Variants in ASAP1 observed in about 807,000 individuals in gnomAD.
ASAP1 encodes the protein ArfGAP with SH3 domain, ankyrin repeat and PH domain 1.
A neutral mutation model predicts 145.2 loss-of-function variants in ASAP1; 43 were observed. That is an observed-to-expected ratio of 0.30 (90% CI 0.23 to 0.38). The LOEUF is 0.38. ASAP1 is among the 10% of genes least tolerant of loss of function. The pLI is 1.00. For synonymous variants in ASAP1, 546 were observed against 515.5 expected, an observed-to-expected ratio of 1.06 and a Z score of -0.80; for missense variants, 1,018 against 1,355.3, an observed-to-expected ratio of 0.75 and a Z score of 3.91.
chr8:130,078,134 C>T (rs185496263), intron 26 of ASAP1, among the ~76,000 whole-genome samples: 95 of 152,110 alleles, frequency 6.2e-4, no homozygotes, highest in Middle Eastern at 3.4e-3. Context: ...GGACTACAGG[C>T]GCACCCCACT....
chr8:130,345,781 G>A (rs1825670190), intron 3 of ASAP1, among the ~76,000 whole-genome samples: 1 of 152,138 alleles, frequency 6.6e-6, no homozygotes, highest in African/African-American at 2.4e-5. Context: ...AGACTAGCCT[G>A]GGCAACATCA....
chr8:130,270,146 C>T (rs113733776), intron 3 of ASAP1, among the ~76,000 whole-genome samples: 3 of 152,046 alleles, frequency 2.0e-5, no homozygotes, highest in Non-Finnish European at 2.9e-5. Flanking sequence ...CTCCAGCCTG[C>T]GTGACAGAGC....
chr8:130,272,428 G>A (rs1458254152), intron 3 of ASAP1, among the ~76,000 whole-genome samples: 2 of 152,166 alleles, frequency 1.3e-5, no homozygotes, highest in South Asian at 4.1e-4. Context: ...GTGAAAAAGA[G>A]TATGGAGATC....
chr8:130,120,996 T>C (rs2097564918), intron 18 of ASAP1, among the ~76,000 whole-genome samples: 1 of 152,244 alleles, frequency 6.6e-6, no homozygotes, highest in Non-Finnish European at 1.5e-5. Context: ...GCTCCGTTTT[T>C]GTTAATGCTA....
chr8:130,134,735 C>T (rs2097590561), intron 14 of ASAP1, among the ~76,000 whole-genome samples: 1 of 152,174 alleles, frequency 6.6e-6, no homozygotes, highest in African/African-American at 2.4e-5. Flanking sequence ...AGGGGAAGGT[C>T]CTATTTGATC....
chr8:130,201,336 C>T (rs1815856416), intron 5 of ASAP1, among the ~76,000 whole-genome samples: 1 of 152,194 alleles, frequency 6.6e-6, no homozygotes, highest in Admixed American at 6.6e-5. Flanking sequence ...CAAATTACAC[C>T]ATGTGCTAAA....
intron 3 of ASAP1, among the ~76,000 whole-genome samples, chr8:130,263,372 A>G (rs958355316): frequency 1.3e-5 from 2 of 152,222 alleles, no homozygotes; most frequent in Admixed American, 1.3e-4. Context: ...AGAGACCATG[A>G]TGGGCCATGC....
chr8:130,247,080 G>A (rs1176604900), intron 3 of ASAP1: 3 of 152,126 alleles, frequency 2.0e-5, no homozygotes, highest in African/African-American at 7.2e-5. Flanking sequence ...GTCACTGCTT[G>A]GCTACCACAC....
At chr8:130,222,970 C>T (rs193242418) in intron 4 of ASAP1, among the ~76,000 whole-genome samples, 1 of 152,242 alleles carries the variant, frequency 6.6e-6, no homozygotes, top group Admixed American at 6.5e-5. Flanking sequence ...GGTCTTAGCT[C>T]CAGACTCTAC....
At chr8:130,136,409 G>A (rs2097594901) in intron 14 of ASAP1, among the ~76,000 whole-genome samples, 1 of 152,166 alleles carries the variant, frequency 6.6e-6, no homozygotes, top group Non-Finnish European at 1.5e-5. Flanking sequence ...GTTCTGCTTG[G>A]AAGCAAGGAA....
At chr8:130,301,781 G>A (rs35183706) in intron 3 of ASAP1, among the ~76,000 whole-genome samples, 5,138 of 152,294 alleles carry the variant, frequency 0.034, 102 homozygotes, top group Middle Eastern at 0.071. Context: ...GTCTTTCCAT[G>A]TCAACAGATA....
At chr8:130,072,984 C>T (rs549217159) in intron 27 of ASAP1, among the ~76,000 whole-genome samples, 1 of 151,106 alleles carries the variant, frequency 6.6e-6, no homozygotes, top group Non-Finnish European at 1.5e-5. Flanking sequence ...CAGAAATCTT[C>T]TTCTGTGTTG....
intron 18 of ASAP1, among the ~76,000 whole-genome samples, chr8:130,123,801 A>T (rs12550366): frequency 0.56 from 84,744 of 151,126 alleles, 23,867 homozygotes; most frequent in South Asian, 0.69. Flanking sequence ...CTAATTTTTA[A>T]AAAATTTTTA....
intron 3 of ASAP1, among the ~76,000 whole-genome samples, chr8:130,277,443 A>G (rs1243048293): frequency 6.6e-6 from 1 of 152,258 alleles, no homozygotes; most frequent in Admixed American, 6.5e-5. Context: ...TTCAGTAGAA[A>G]AAATACAAAT....
At chr8:130,097,141 A>C in intron 24 of ASAP1, among the ~76,000 whole-genome samples, 1 of 109,942 alleles carries the variant, frequency 9.1e-6, no homozygotes, top group South Asian at 2.6e-4. Context: ...AAAAAAAAAA[A>C]AAAAAAAAAA....
At chr8:130,084,496 A>T (rs1349349594) in intron 25 of ASAP1, 1 of 152,110 alleles carries the variant, frequency 6.6e-6, no homozygotes, top group Non-Finnish European at 1.5e-5. Flanking sequence ...TGTGGCCAAG[A>T]CTCCTGGTCA....
chr8:130,316,555 G>A (rs886914476), intron 3 of ASAP1, among the ~76,000 whole-genome samples: 3 of 152,196 alleles, frequency 2.0e-5, no homozygotes, highest in Non-Finnish European at 4.4e-5. Flanking sequence ...TATTTATATG[G>A]GTTCTGGAAA....
At chr8:130,240,650 A>G in intron 3 of ASAP1, among the ~76,000 whole-genome samples, 1 of 152,170 alleles carries the variant, frequency 6.6e-6, no homozygotes, top group East Asian at 1.9e-4. Context: ...GGACAACTCA[A>G]AAGAGTGGGG....
At chr8:130,256,766 T>C (rs1432726330) in intron 3 of ASAP1, among the ~76,000 whole-genome samples, 4 of 137,010 alleles carry the variant, frequency 2.9e-5, no homozygotes, top group Admixed American at 7.2e-5. Context: ...TATATATATA[T>C]ATATATATAT....
Sources: allele counts gnomAD v4.1 joint callset (sites outside exome capture counted in the v4.1 genomes callset), GRCh38; gene constraint gnomAD v4.1.1; transcripts MANE v1.5; gene names NCBI Gene and HGNC (gene_info 2026-07-23, HGNC 2026-07-21).